PRELID2: variants seen among roughly 807,000 people sequenced by gnomAD.
PRELID2 encodes the protein PRELI domain containing 2, also known as PRELI domain-containing protein 2.
In PRELID2, 25 loss-of-function variants were observed where a neutral mutation model predicts 28.4. The observed-to-expected ratio is 0.88, with a 90% confidence interval of 0.64 to 1.23. The LOEUF (loss-of-function observed/expected upper bound fraction) is 1.23, where lower values mean the gene tolerates loss of function less well. Among genes scored for constraint, PRELID2 ranks in the 50% most tolerant of loss-of-function variants. The pLI is 0.00. For synonymous variants in PRELID2, 76 were observed against 71.6 expected (o/e 1.06, Z -0.31); for missense variants, 201 against 214.4 (o/e 0.94, Z 0.39).
At chr5:145,569,510 C>A (rs184807502) in intron 1 of PRELID2, among the ~76,000 whole-genome samples, 2 of 152,036 alleles carry the variant, frequency 1.3e-5, no homozygotes, top group African/African-American at 4.8e-5. Context: ...ACTAATATTA[C>A]CCTGCATTAT....
At chr5:145,768,983 T>C (rs1757944853) in intron 5 of PRELID2, among the ~76,000 whole-genome samples, 1 of 152,078 alleles carries the variant, frequency 6.6e-6, no homozygotes, top group Admixed American at 6.5e-5. Context: ...TTAGTACCTC[T>C]CTTCGGTAAA....
At chr5:145,552,469 C>A (rs1395319488) in intron 1 of PRELID2, among the ~76,000 whole-genome samples, 1 of 152,012 alleles carries the variant, frequency 6.6e-6, no homozygotes, top group Non-Finnish European at 1.5e-5. Flanking sequence ...CAGACTGAAT[C>A]CTATTGACTA....
the PRELID2 span, among the ~76,000 whole-genome samples, chr5:145,425,459 C>T: frequency 6.6e-5 from 10 of 152,114 alleles, no homozygotes; most frequent in Non-Finnish European, 1.2e-4. Flanking sequence ...TGCATGAATA[C>T]ATTAACTGCA....
intron 1 of PRELID2, among the ~76,000 whole-genome samples, chr5:145,828,757 A>T (rs1019752680): frequency 6.6e-6 from 1 of 151,904 alleles, no homozygotes; most frequent in Non-Finnish European, 1.5e-5. Context: ...CATGAAAATT[A>T]ATATATCCTC....
intron 1 of PRELID2, among the ~76,000 whole-genome samples, chr5:145,487,355 A>T (rs922747509): frequency 6.6e-6 from 1 of 152,008 alleles, no homozygotes; most frequent in African/African-American, 2.4e-5. Context: ...AGTGTATAGA[A>T]CTCTGTAAAG....
chr5:145,573,832 G>A (rs1420626384), intron 1 of PRELID2, among the ~76,000 whole-genome samples: 3 of 152,136 alleles, frequency 2.0e-5, no homozygotes, highest in African/African-American at 7.2e-5. Flanking sequence ...CAATCTTTTA[G>A]AAGGGGAGTG....
chr5:145,398,015 T>C, the PRELID2 span, among the ~76,000 whole-genome samples: 4 of 151,852 alleles, frequency 2.6e-5, no homozygotes, highest in Non-Finnish European at 5.9e-5. Context: ...GGGGCTAGAG[T>C]TTGAAATGAA....
the PRELID2 span, among the ~76,000 whole-genome samples, chr5:145,412,846 C>A: frequency 2.0e-5 from 3 of 152,196 alleles, no homozygotes; most frequent in African/African-American, 4.8e-5. Flanking sequence ...ACAATCATGG[C>A]GGAAGGCACG....
chr5:145,324,629 G>A, the PRELID2 span, among the ~76,000 whole-genome samples: 95 of 152,270 alleles, frequency 6.2e-4, 1 homozygote, highest in Non-Finnish European at 1.0e-4. Context: ...ATAACATGAA[G>A]TGTTTTTATA....
chr5:145,334,413 G>A, the PRELID2 span, among the ~76,000 whole-genome samples: 2 of 152,008 alleles, frequency 1.3e-5, no homozygotes, highest in African/African-American at 2.4e-5. Context: ...TTTATATTGT[G>A]TGTCATGTAA....
chr5:145,305,875 A>T, the PRELID2 span, among the ~76,000 whole-genome samples: 1 of 152,166 alleles, frequency 6.6e-6, no homozygotes, highest in Non-Finnish European at 1.5e-5. Flanking sequence ...TACCCTGTGT[A>T]TCATTTTTGT....
chr5:145,378,564 G>T, the PRELID2 span, among the ~76,000 whole-genome samples: 53 of 152,084 alleles, frequency 3.5e-4, no homozygotes, highest in African/African-American at 1.2e-3. Flanking sequence ...TCTTTTCTTT[G>T]CTTGGTCTGT....
chr5:145,284,641 A>G, the PRELID2 span, among the ~76,000 whole-genome samples: 1 of 152,168 alleles, frequency 6.6e-6, no homozygotes, highest in Non-Finnish European at 1.5e-5. Flanking sequence ...GACTTGCCCA[A>G]ACTAACACAA....
chr5:145,740,305 TATATATATATATATAA>T (rs1756629922), intron 1 of PRELID2, among the ~76,000 whole-genome samples: 1 of 97,288 alleles, frequency 1.0e-5, no homozygotes, highest in East Asian at 2.9e-4. Flanking sequence ...TATATATATA[TATATATATATATATAA>T]ATCCTAAATG....
At chr5:145,650,531 CATATAT>C (rs56324486) in intron 1 of PRELID2, among the ~76,000 whole-genome samples, 9,758 of 68,320 alleles carry the variant, frequency 0.14, 412 homozygotes, top group Middle Eastern at 0.23. Context: ...CACATATATA[CATATAT>C]ATATATATAT....
chr5:145,538,484 A>T (rs1752720682), intron 1 of PRELID2, among the ~76,000 whole-genome samples: 1 of 151,962 alleles, frequency 6.6e-6, no homozygotes, highest in East Asian at 1.9e-4. Flanking sequence ...CATTTCAAGC[A>T]CTCAATGGCC....
intron 1 of PRELID2, among the ~76,000 whole-genome samples, chr5:145,487,592 G>C (rs1752229375): frequency 6.6e-6 from 1 of 152,106 alleles, no homozygotes; most frequent in Non-Finnish European, 1.5e-5. Flanking sequence ...GAGTTGGAGA[G>C]GGTCATGTCT....
chr5:145,588,987 C>T (rs1753190817), intron 1 of PRELID2, among the ~76,000 whole-genome samples: 1 of 152,008 alleles, frequency 6.6e-6, no homozygotes, highest in Admixed American at 6.6e-5. Flanking sequence ...TATCTATAAT[C>T]TTACCTCTAG....
chr5:145,734,712 T>C (rs1756446942), intron 1 of PRELID2, among the ~76,000 whole-genome samples: 1 of 152,240 alleles, frequency 6.6e-6, no homozygotes, highest in Non-Finnish European at 1.5e-5. Flanking sequence ...CCAGGGACTA[T>C]GCTAATTATT....
Sources: gnomAD v4.1 joint callset for allele counts (sites outside exome capture counted in the v4.1 genomes callset) on GRCh38, gnomAD v4.1.1 for gene constraint, MANE v1.5 for transcripts, NCBI Gene and HGNC (gene_info 2026-07-23, HGNC 2026-07-21) for gene names.